Variants in NLGN1 observed in about 807,000 individuals in gnomAD.
The protein encoded by NLGN1 is neuroligin 1.
A neutral mutation model predicts 65.5 loss-of-function variants in NLGN1; 12 were observed. The ratio of observed to expected loss-of-function variants is 0.18; its 90% CI spans 0.12 to 0.30. The LOEUF is 0.30. NLGN1 is among the 10% of genes least tolerant of loss of function. The pLI, the probability that NLGN1 is intolerant of heterozygous loss-of-function variation, is 1.00. For synonymous variants in NLGN1, 350 were observed against 359.5 expected (o/e 0.97, Z 0.30); for missense variants, 750 against 1,007.1 (o/e 0.74, Z 3.46).
intron 3 of NLGN1, among the ~76,000 whole-genome samples, chr3:173,678,539 C>T (rs1417293825): frequency 6.6e-6 from 1 of 151,992 alleles, no homozygotes; most frequent in Non-Finnish European, 1.5e-5. Flanking sequence ...TCATTCCAAA[C>T]AGAAAGATCC....
intron 3 of NLGN1, among the ~76,000 whole-genome samples, chr3:173,652,958 C>A (rs966300345): frequency 5.3e-5 from 8 of 152,054 alleles, no homozygotes; most frequent in Non-Finnish European, 8.8e-5. Context: ...AGAGATCTTT[C>A]ACCTCTTGTT....
At chr3:173,713,676 GT>G (rs1769371312) in intron 3 of NLGN1, among the ~76,000 whole-genome samples, 1 of 152,138 alleles carries the variant, frequency 6.6e-6, no homozygotes, top group South Asian at 2.1e-4. Flanking sequence ...TCATTTTTAA[GT>G]TGAAATTAAT....
chr3:174,162,825 A>C (rs545994399), intron 4 of NLGN1, among the ~76,000 whole-genome samples: 2 of 151,494 alleles, frequency 1.3e-5, no homozygotes, highest in East Asian at 3.9e-4. Context: ...TGATTAAATG[A>C]GGATGAGAGA....
At chr3:173,653,318 C>A (rs929127843) in intron 3 of NLGN1, among the ~76,000 whole-genome samples, 5 of 152,122 alleles carry the variant, frequency 3.3e-5, no homozygotes, top group Non-Finnish European at 7.4e-5. Flanking sequence ...TTGTCTTGTT[C>A]TAGTTTTAAA....
intron 3 of NLGN1, among the ~76,000 whole-genome samples, chr3:173,749,662 C>T (rs1181346704): frequency 6.6e-6 from 1 of 151,758 alleles, no homozygotes; most frequent in Non-Finnish European, 1.5e-5. Flanking sequence ...TTAAATAGTG[C>T]TTCTAACCAA....
intron 2 of NLGN1, among the ~76,000 whole-genome samples, chr3:173,537,619 T>G (rs1277246386): frequency 6.6e-6 from 1 of 152,188 alleles, no homozygotes; most frequent in African/African-American, 2.4e-5. Flanking sequence ...TATGGCTACT[T>G]TCTTCTACTA....
At chr3:173,635,187 T>C (rs1756386592) in intron 3 of NLGN1, among the ~76,000 whole-genome samples, 1 of 152,176 alleles carries the variant, frequency 6.6e-6, no homozygotes, top group African/African-American at 2.4e-5. Flanking sequence ...TTGCTTCTTA[T>C]ATACACATCA....
intron 4 of NLGN1, among the ~76,000 whole-genome samples, chr3:173,829,551 T>C (rs1364255973): frequency 2.3e-5 from 1 of 42,886 alleles, no homozygotes; most frequent in East Asian, 2.4e-4. Context: ...GTGGAGTGTG[T>C]GCGTGTGTGT....
intron 2 of NLGN1, among the ~76,000 whole-genome samples, chr3:173,503,156 C>G (rs1731434947): frequency 1.3e-5 from 2 of 151,826 alleles, no homozygotes; most frequent in Non-Finnish European, 2.9e-5. Context: ...TATTGAATGA[C>G]TAACCTGACC....
At chr3:174,188,586 G>T (rs1731834026) in intron 4 of NLGN1, among the ~76,000 whole-genome samples, 1 of 151,888 alleles carries the variant, frequency 6.6e-6, no homozygotes, top group East Asian at 1.9e-4. Flanking sequence ...GCAAGACCAG[G>T]ATTGAAACCC....
At chr3:173,512,750 G>A (rs547716825) in intron 2 of NLGN1, among the ~76,000 whole-genome samples, 1 of 152,224 alleles carries the variant, frequency 6.6e-6, no homozygotes, top group South Asian at 2.1e-4. Context: ...TCTGCCTAGA[G>A]TTTCTCTGCA....
chr3:173,551,154 ATAAGG>A (rs1356582423), intron 2 of NLGN1, among the ~76,000 whole-genome samples: 4 of 152,202 alleles, frequency 2.6e-5, no homozygotes, highest in African/African-American at 9.6e-5. Context: ...AGTTGTGGAA[ATAAGG>A]TGAGGTGATT....
intron 4 of NLGN1, among the ~76,000 whole-genome samples, chr3:174,053,160 G>T (rs2152505853): frequency 6.6e-6 from 1 of 152,080 alleles, no homozygotes; most frequent in African/African-American, 2.4e-5. Context: ...TAGATTGGGT[G>T]AGTTTCTTGC....
chr3:173,426,312 T>A (rs1716095500), intron 1 of NLGN1, among the ~76,000 whole-genome samples: 1 of 152,058 alleles, frequency 6.6e-6, no homozygotes, highest in Non-Finnish European at 1.5e-5. Context: ...TTCATTTGCA[T>A]GCCTTTTTTT....
intron 4 of NLGN1, among the ~76,000 whole-genome samples, chr3:173,830,266 C>T (rs757189765): frequency 1.3e-5 from 2 of 152,024 alleles, no homozygotes; most frequent in Admixed American, 6.6e-5. Flanking sequence ...TGTTTCGATA[C>T]GGTCTTAGCC....
intron 2 of NLGN1, among the ~76,000 whole-genome samples, chr3:173,512,703 G>C (rs947847285): frequency 1.3e-5 from 2 of 152,116 alleles, no homozygotes; most frequent in South Asian, 4.1e-4. Flanking sequence ...CAGGCTTTTT[G>C]GTTCAAAGGT....
chr3:173,999,824 T>C (rs764236800), intron 4 of NLGN1, among the ~76,000 whole-genome samples: 7 of 152,074 alleles, frequency 4.6e-5, no homozygotes, highest in Non-Finnish European at 7.4e-5. Flanking sequence ...CCTTGAAGAG[T>C]GAAAACATGT....
intron 4 of NLGN1, among the ~76,000 whole-genome samples, chr3:173,854,471 G>A (rs1253198260): frequency 1.3e-5 from 2 of 151,924 alleles, no homozygotes; most frequent in Non-Finnish European, 2.9e-5. Context: ...CTGTGGCTGT[G>A]TCTACAATAA....
At chr3:173,808,694 A>T (rs1717206554) in intron 4 of NLGN1, among the ~76,000 whole-genome samples, 1 of 152,164 alleles carries the variant, frequency 6.6e-6, no homozygotes, top group Admixed American at 6.5e-5. Context: ...CAAAATACTT[A>T]ACTTTTTAAT....
Sources: gnomAD v4.1 joint callset for allele counts (sites outside exome capture counted in the v4.1 genomes callset) on GRCh38, gnomAD v4.1.1 for gene constraint, MANE v1.5 for transcripts, NCBI Gene and HGNC (gene_info 2026-07-23, HGNC 2026-07-21) for gene names.